The following NTNG1 variants were observed in gnomAD, a reference collection of about 807,000 sequenced individuals.
The protein encoded by NTNG1 is netrin G1, also known as netrin-G1.
Under a neutral mutation model 54.0 loss-of-function variants are expected in NTNG1, and 16 were observed. The ratio of observed to expected loss-of-function variants is 0.30; its 90% CI spans 0.20 to 0.45. The LOEUF (loss-of-function observed/expected upper bound fraction) is 0.45, where lower values mean the gene tolerates loss of function less well. Among genes scored for constraint, NTNG1 ranks in the 20% least tolerant of loss-of-function variants. NTNG1 has a pLI of 1.00. For synonymous variants in NTNG1, 255 were observed against 263.1 expected, an observed-to-expected ratio of 0.97 and a Z score of 0.30; for missense variants, 530 against 678.7, an observed-to-expected ratio of 0.78 and a Z score of 2.43.
At chr1:107,286,625 T>C (rs1557870534) in intron 2 of NTNG1, among the ~76,000 whole-genome samples, 1 of 152,198 alleles carries the variant, frequency 6.6e-6, no homozygotes, top group East Asian at 1.9e-4. Context: ...ATTTAATAAA[T>C]GGGTGAAAGT....
chr1:107,311,712 GCTTTTCTTA>G (rs1667026760), intron 2 of NTNG1, among the ~76,000 whole-genome samples: 1 of 151,790 alleles, frequency 6.6e-6, no homozygotes, highest in Non-Finnish European at 1.5e-5. Flanking sequence ...TGTCTTTTCT[GCTTTTCTTA>G]CTTTTCTTGA....
At chr1:107,458,475 G>A (rs1677083358) in intron 7 of NTNG1, among the ~76,000 whole-genome samples, 1 of 152,034 alleles carries the variant, frequency 6.6e-6, no homozygotes, top group Non-Finnish European at 1.5e-5. Flanking sequence ...TAATTACATT[G>A]GCTATTACTA....
chr1:107,368,966 C>T (rs1238191178), intron 3 of NTNG1, among the ~76,000 whole-genome samples: 4 of 152,162 alleles, frequency 2.6e-5, no homozygotes, highest in East Asian at 1.9e-4. Flanking sequence ...GAAGTTTCTT[C>T]GTGCCCCAGA....
chr1:107,439,033 A>G (rs1030191459), intron 7 of NTNG1, among the ~76,000 whole-genome samples: 13 of 152,174 alleles, frequency 8.5e-5, no homozygotes, highest in African/African-American at 3.1e-4. Flanking sequence ...ATGAAAAGAG[A>G]GAGCTACTGT....
At chr1:107,164,548 GA>G (rs1655632634) in intron 2 of NTNG1, among the ~76,000 whole-genome samples, 1 of 152,190 alleles carries the variant, frequency 6.6e-6, no homozygotes, top group Non-Finnish European at 1.5e-5. Context: ...AGCGAAAGCA[GA>G]GAGAAATACT....
chr1:107,418,669 G>A (rs774213117), intron 5 of NTNG1: 25 of 1,517,918 alleles, frequency 1.6e-5, no homozygotes, highest in Middle Eastern at 1.7e-4. Flanking sequence ...AAATTCCTAC[G>A]GACATAAAAT....
intron 3 of NTNG1, chr1:107,329,067 T>G (rs1570690811): frequency 6.6e-6 from 1 of 152,198 alleles, no homozygotes; most frequent in East Asian, 1.9e-4. Flanking sequence ...CAGTGCCTAC[T>G]CAGGCTCCAT....
chr1:107,457,061 T>C (rs1386177025), intron 7 of NTNG1, among the ~76,000 whole-genome samples: 1 of 152,260 alleles, frequency 6.6e-6, no homozygotes, highest in Non-Finnish European at 1.5e-5. Context: ...GGTTATATTA[T>C]CTGAAGAAAA....
intron 4 of NTNG1, among the ~76,000 whole-genome samples, chr1:107,400,651 GTTT>G (rs370579128): frequency 2.0e-5 from 3 of 147,502 alleles, no homozygotes; most frequent in African/African-American, 5.0e-5. Flanking sequence ...TGTGGAATAA[GTTT>G]TTTTTTTTTT....
At chr1:107,411,531 C>A (rs1673807247) in intron 5 of NTNG1, among the ~76,000 whole-genome samples, 1 of 152,130 alleles carries the variant, frequency 6.6e-6, no homozygotes, top group Admixed American at 6.5e-5. Context: ...CATTTTCCCA[C>A]CCAAGAGTTA....
chr1:107,431,893 G>A (rs897474718), intron 6 of NTNG1, among the ~76,000 whole-genome samples: 13 of 152,114 alleles, frequency 8.5e-5, no homozygotes, highest in Non-Finnish European at 1.5e-5. Flanking sequence ...ATAATGACAA[G>A]CAATCTTTTT....
At chr1:107,201,012 G>A (rs767321465) in intron 2 of NTNG1, among the ~76,000 whole-genome samples, 2 of 151,600 alleles carry the variant, frequency 1.3e-5, no homozygotes, top group Non-Finnish European at 3.0e-5. Context: ...GCAACACAAC[G>A]CAATTTTGGG....
At chr1:107,257,034 T>A (rs937511953) in intron 2 of NTNG1, among the ~76,000 whole-genome samples, 24 of 152,322 alleles carry the variant, frequency 1.6e-4, no homozygotes, top group African/African-American at 5.3e-4. Flanking sequence ...CTGACTGCTA[T>A]TTTCCTTCCT....
intron 5 of NTNG1, among the ~76,000 whole-genome samples, chr1:107,412,049 T>C (rs1311970691): frequency 1.3e-5 from 2 of 151,920 alleles, no homozygotes; most frequent in African/African-American, 4.8e-5. Flanking sequence ...TTGAGCAAAT[T>C]AACTTTATCA....
At chr1:107,332,649 A>G (rs1570698402) in intron 3 of NTNG1, among the ~76,000 whole-genome samples, 1 of 152,082 alleles carries the variant, frequency 6.6e-6, no homozygotes, top group African/African-American at 2.4e-5. Flanking sequence ...TTTGAGACCT[A>G]TGTGATCAAT....
chr1:107,431,579 T>C (rs140822368), intron 6 of NTNG1, among the ~76,000 whole-genome samples: 42 of 152,166 alleles, frequency 2.8e-4, no homozygotes, highest in African/African-American at 9.6e-4. Flanking sequence ...CACTTTCCCT[T>C]CCCTCCCCAC....
chr1:107,172,174 C>T (rs752198422), intron 2 of NTNG1, among the ~76,000 whole-genome samples: 11 of 152,048 alleles, frequency 7.2e-5, no homozygotes, highest in African/African-American at 1.2e-4. Context: ...TTATTATCCT[C>T]GAAACACTTG....
intron 2 of NTNG1, among the ~76,000 whole-genome samples, chr1:107,152,419 A>G (rs1052157158): frequency 1.3e-5 from 2 of 152,214 alleles, no homozygotes; most frequent in Non-Finnish European, 2.9e-5. Flanking sequence ...ACACAAAGCT[A>G]TGACTTTTTC....
intron 2 of NTNG1, among the ~76,000 whole-genome samples, chr1:107,157,458 A>G (rs547990731): frequency 6.6e-6 from 1 of 152,310 alleles, no homozygotes; most frequent in African/African-American, 2.4e-5. Flanking sequence ...TATGCTAGTC[A>G]TTATCCTCAT....
Sources: allele counts gnomAD v4.1 joint callset (sites outside exome capture counted in the v4.1 genomes callset), GRCh38; gene constraint gnomAD v4.1.1; transcripts MANE v1.5; gene names NCBI Gene and HGNC (gene_info 2026-07-23, HGNC 2026-07-21).